The following SCN2A variants were observed in gnomAD, a reference collection of about 807,000 sequenced individuals.
SCN2A encodes sodium voltage-gated channel alpha subunit 2.
In SCN2A, 20 loss-of-function variants were observed where a neutral mutation model predicts 188.7. The ratio of observed to expected loss-of-function variants is 0.11; its 90% CI spans 0.07 to 0.15. The LOEUF (loss-of-function observed/expected upper bound fraction) is 0.15. SCN2A is among the 10% of genes least tolerant of loss of function. The pLI is 1.00. For synonymous variants in SCN2A, 804 were observed against 833.1 expected (o/e 0.97, Z 0.60); for missense variants, 1,278 against 2,445.0 (o/e 0.52, Z 10.07).
At chr2:165,249,226 G>A (rs1430158120) in intron 1 of SCN2A, among the ~76,000 whole-genome samples, 2 of 152,106 alleles carry the variant, frequency 1.3e-5, no homozygotes, top group Non-Finnish European at 2.9e-5. Flanking sequence ...TGCTGTTTTA[G>A]TCATAGGATG....
Position 165,319,187 on chromosome 2 carries a change from A to G in SCN2A, c.1671+3429A>G, listed in dbSNP as rs557484689. On this transcript the variant is annotated intron_variant, in intron 11 of 26. Transcript: ENST00000375437. ...CCATCTCTACTAAAAAATACAAAAA[A>G]TTAGCCAGGCGTGGTGGCAGGTGCC... Among the ~76,000 whole-genome samples the G allele has an allele frequency of 4.6e-5, 7 of 152,202 alleles. No individual in the cohort carries two copies. The South Asian group carries it at 1.5e-3, about 32-fold the overall frequency.
Position 165,310,667 on chromosome 2 carries a change from A to G in SCN2A, c.970+72A>G. On this transcript the variant is annotated intron_variant, in intron 7 of 26. Coordinates refer to ENST00000375437, the MANE Select transcript of SCN2A (RefSeq NM_001040142.2). ...TTAAATATTATATATAATGGAAATT[A>G]TCTCAATTTAGATGTGAATCAAGTG... 4.5e-6 allele frequency: 5 copies of G among 1,106,104 alleles called. No individual in the cohort carries two copies. The African/African-American group carries it at 4.8e-5, about 11-fold the overall frequency. The allele number at this position is 1,106,104 out of a possible 1,614,324, so 68.5% of individuals were successfully genotyped here.
chr2:165,320,903 A>G (rs1490935228), intron 11 of SCN2A, among the ~76,000 whole-genome samples: 1 of 152,200 alleles, frequency 6.6e-6, no homozygotes, highest in East Asian at 1.9e-4. Context: ...TTGGGGATTA[A>G]CATTCAGCTC....
At chr2:165,373,728 A>T (rs539225190) in intron 21 of SCN2A, among the ~76,000 whole-genome samples, 1 of 152,146 alleles carries the variant, frequency 6.6e-6, no homozygotes, top group Non-Finnish European at 1.5e-5. Flanking sequence ...GCTGTGATAC[A>T]CTTTGAGCCT....
chr2:165,370,485 G>C (rs1056159265), intron 20 of SCN2A, 186 bp downstream of exon 20: 1 of 607,456 alleles, frequency 1.6e-6, no homozygotes, highest in East Asian at 2.8e-5. Flanking sequence ...TACATTCATA[G>C]ATAAAAATCA....
At chr2:165,248,199 A>G (rs977242443) in intron 1 of SCN2A, among the ~76,000 whole-genome samples, 1 of 152,152 alleles carries the variant, frequency 6.6e-6, no homozygotes, top group Admixed American at 6.6e-5. Flanking sequence ...GCAAGACAGA[A>G]GTAAGATTAC....
At chr2:165,327,224 C>A in intron 13 of SCN2A, 1 of 469,670 alleles carries the variant, frequency 2.1e-6, no homozygotes. Context: ...ACACCACTTT[C>A]ATACATTAAA....
intron 17 of SCN2A, among the ~76,000 whole-genome samples, chr2:165,362,190 C>T (rs1011606763): frequency 6.6e-6 from 1 of 151,934 alleles, no homozygotes; most frequent in Non-Finnish European, 1.5e-5. Context: ...ACACAAAATA[C>T]TTTTGAACTG....
At chr2:165,370,404 A>C in intron 20 of SCN2A, 105 bp downstream of exon 20, 1 of 1,124,286 alleles carries the variant, frequency 8.9e-7, no homozygotes, top group East Asian at 2.4e-5. Flanking sequence ...TATCAGCCCA[A>C]ATATAAATTA....
In SCN2A at chr2:165,365,200, G is replaced by A. The variant is rs200138205; in HGVS notation, c.3457G>A (p.Glu1153Lys). ...GSTVDIGAPAEGEQPEVEPEE... is the reference protein window; with the variant it reads ...GSTVDIGAPAKGEQPEVEPEE... Reference sequence around the variant, plus strand: ...CACGGTTGATATTGGAGCTCCCGCCGAGGGAGAACAGCCTGAGGTTGAACC... The same window carrying A: ...CACGGTTGATATTGGAGCTCCCGCCAAGGGAGAACAGCCTGAGGTTGAACC... The change falls in exon 18 of 27, where the codon GAG becomes AAG. Residue 1153 changes from glutamate to lysine, a missense_variant. Physicochemically the swap from Glu to Lys is moderately conservative, Grantham distance 56. This residue lies in a region of SCN2A where 228 missense variants were observed against 297.3 expected (regional missense o/e 0.77). Coordinates refer to ENST00000375437, the MANE Select transcript of SCN2A (RefSeq NM_001040142.2). 3.7e-4 allele frequency: 594 copies of A among 1,613,778 alleles called. 1 individual carries two copies. The highest frequency in any genetic ancestry group is 4.7e-4 in the Non-Finnish European group (550 of 1,179,894).
At chr2:165,275,708 A>T (rs957224293) in intron 1 of SCN2A, among the ~76,000 whole-genome samples, 12 of 152,068 alleles carry the variant, frequency 7.9e-5, no homozygotes, top group African/African-American at 2.7e-4. Context: ...AGTATCTGTT[A>T]TGTATACTGG....
intron 10 of SCN2A, among the ~76,000 whole-genome samples, chr2:165,315,253 G>A (rs1697668371): frequency 6.6e-6 from 1 of 152,152 alleles, no homozygotes; most frequent in Non-Finnish European, 1.5e-5. Context: ...GACAGAGCTT[G>A]AAGGTTCTCA....
rs886055008 is a variant in SCN2A, at chr2:165,392,278, C to A, written c.*2454C>A. 1 of 152,332 alleles carries A rather than the reference C, an allele frequency of 6.6e-6. No individual in the cohort carries two copies. The highest frequency in any genetic ancestry group is 1.5e-5 in the Non-Finnish European group (1 of 67,952). The allele number at this position is 152,332 out of a possible 1,614,324, so 9.4% of individuals were successfully genotyped here. On this transcript the variant is annotated 3_prime_UTR_variant, in exon 27 of 27. Transcript: ENST00000375437. ...CATCAGGTAGACTAGTGGAAAGTTA[C>A]AAAAATTAATAAAAAATTGACTAAC...
In SCN2A at chr2:165,391,984, A is replaced by G. The variant is rs1334896459; in HGVS notation, c.*2160A>G. ...ATGCATGCAGGAAAATGCTGTTACC[A>G]TAAAGAACGGTAAACCACATTACAA... On this transcript the variant is annotated 3_prime_UTR_variant, in exon 27 of 27. Coordinates refer to ENST00000375437, the MANE Select transcript of SCN2A (RefSeq NM_001040142.2). 1.3e-5 allele frequency: 2 copies of G among 152,588 alleles called. No homozygotes were observed. The highest frequency in any genetic ancestry group is 2.4e-5 in the African/African-American group (1 of 41,458). 9.5% of individuals were successfully genotyped at this position (152,588 alleles called of 1,614,324 possible).
At position 165,323,345 on chromosome 2, in the gene SCN2A, C is replaced by A. The variant is rs796053205; in HGVS notation, c.1861C>A (p.Arg621Ser). Reference sequence around the variant, plus strand: ...CGTGCCGCACAGACATGGAGAACGGCGCCACAGCAATGTCAGCCAGGCCAG... The same window carrying A: ...CGTGCCGCACAGACATGGAGAACGGAGCCACAGCAATGTCAGCCAGGCCAG... ...LFVPHRHGER[R>S]HSNVSQASRA... Residue 621 changes from arginine to serine, a missense_variant, in exon 12 of 27, where the codon CGC becomes AGC. This residue lies in a region of SCN2A where 315 missense variants were observed against 386.6 expected (regional missense o/e 0.81). Coordinates refer to ENST00000375437, the MANE Select transcript of SCN2A (RefSeq NM_001040142.2). 1.9e-6 allele frequency: 3 copies of A among 1,614,150 alleles called. No individual in the cohort carries two copies. The highest frequency in any genetic ancestry group is 1.7e-6 in the Non-Finnish European group (2 of 1,180,030).
rs145846320 is a variant in SCN2A, at chr2:165,292,626, G to C, written c.-51-3147G>C. ...AACAAATACATTTTCCAATGAAAAT[G>C]ATGAAGCCAGAAAGTATGAAATACA... On this transcript the variant is annotated intron_variant, in intron 1 of 26. Coordinates refer to ENST00000375437, the MANE Select transcript of SCN2A (RefSeq NM_001040142.2). Among the ~76,000 whole-genome samples, 1,201 of 152,246 alleles carry C rather than the reference G, an allele frequency of 7.9e-3. 14 individuals carry two copies. The highest frequency in any genetic ancestry group is 0.028 in the African/African-American group (1,158 of 41,534).
At chr2:165,254,653 T>C (rs1452007264) in intron 1 of SCN2A, among the ~76,000 whole-genome samples, 1 of 151,846 alleles carries the variant, frequency 6.6e-6, no homozygotes, top group Non-Finnish European at 1.5e-5. Context: ...TTTCACTTCT[T>C]ACATCATTTT....
chr2:165,377,728 A>C, intron 23 of SCN2A, 78 bp downstream of exon 23: 2 of 1,137,036 alleles, frequency 1.8e-6, no homozygotes, highest in South Asian at 2.8e-5. Flanking sequence ...TGATATTGTC[A>C]ATAAAATAAA....
chr2:165,330,508 A>G (rs1276469147), intron 13 of SCN2A, among the ~76,000 whole-genome samples: 1 of 152,118 alleles, frequency 6.6e-6, no homozygotes, highest in Non-Finnish European at 1.5e-5. Flanking sequence ...TCTTGACATC[A>G]TTGTACATTT....
Sources: allele counts gnomAD v4.1 joint callset (sites outside exome capture counted in the v4.1 genomes callset), GRCh38; gene constraint gnomAD v4.1.1; regional missense constraint gnomAD v4.1.1; transcripts MANE v1.5; gene names NCBI Gene and HGNC (gene_info 2026-07-23, HGNC 2026-07-21).